DDX19B: variants seen among roughly 807,000 people sequenced by gnomAD.
DDX19B encodes ATP-dependent RNA helicase DDX19B.
DDX19B carries 27 observed loss-of-function variants against 58.1 expected under a neutral mutation model. The ratio of observed to expected loss-of-function variants is 0.46; its 90% CI spans 0.34 to 0.64. DDX19B has a LOEUF of 0.64. Ranked by LOEUF, DDX19B falls within the 30% of genes least tolerant of loss-of-function variation. The pLI, the probability that DDX19B is intolerant of heterozygous loss-of-function variation, is 0.01. For missense variants in DDX19B, 399 were observed against 596.5 expected (o/e 0.67, Z 3.45); for synonymous variants, 187 against 214.4 (o/e 0.87, Z 1.12).
intron 5 of DDX19B, among the ~76,000 whole-genome samples, chr16:70,320,606 G>A (rs377211430): frequency 7.0e-4 from 106 of 151,434 alleles, no homozygotes; most frequent in Admixed American, 7.2e-4. Flanking sequence ...GGAGTGCAGT[G>A]GCGTGATCTT....
intron 1 of DDX19B, among the ~76,000 whole-genome samples, chr16:70,305,731 TTTG>T (rs1315611021): frequency 7.3e-6 from 1 of 137,604 alleles, no homozygotes; most frequent in Non-Finnish European, 1.7e-5. Context: ...TGAGAGGTTT[TTTG>T]TTTTTTTAAT....
intron 5 of DDX19B, among the ~76,000 whole-genome samples, chr16:70,323,730 G>T (rs1427841643): frequency 6.6e-6 from 1 of 151,980 alleles, no homozygotes; most frequent in African/African-American, 2.4e-5. Flanking sequence ...GGCCTTGCCT[G>T]CTTCTTGAGC....
intron 5 of DDX19B, chr16:70,319,576 C>CCTTTTTTTTTTT (rs1555547570): frequency 2.7e-5 from 4 of 145,730 alleles, no homozygotes; most frequent in African/African-American, 1.0e-4. Context: ...TTCTGAATCT[C>CCTTTTTTTTTTT]TTTTTTTTTT....
upstream of DDX19B, among the ~76,000 whole-genome samples, chr16:70,298,575 A>G (rs957574222): frequency 6.6e-6 from 1 of 151,662 alleles, no homozygotes; most frequent in Admixed American, 6.6e-5. Context: ...TGCAGCCTAG[A>G]CCTCCTGGGC....
In DDX19B at chr16:70,334,987, C is replaced by G. The variant is rs1296606062; in HGVS notation, c.*1405C>G. Reference sequence around the variant, plus strand: ...GCTAAGAACGATTGTGATCCTAGGTCTTCTTTGTACGCATCTCCGTATTTA... The same window carrying G: ...GCTAAGAACGATTGTGATCCTAGGTGTTCTTTGTACGCATCTCCGTATTTA... On this transcript the variant is annotated 3_prime_UTR_variant, in exon 12 of 12. Coordinates refer to ENST00000288071, the MANE Select transcript of DDX19B (RefSeq NM_007242.7). 1 of 152,178 alleles carries G rather than the reference C, an allele frequency of 6.6e-6. No homozygotes were observed. Among genetic ancestry groups the G allele is most frequent in the Admixed American group, 6.6e-5 (1 of 15,260 alleles). The allele number at this position is 152,178 out of a possible 1,614,324, so 9.4% of individuals were successfully genotyped here.
chr16:70,306,127 T>TTTGTTG (rs551376201), intron 1 of DDX19B, among the ~76,000 whole-genome samples: 11 of 151,036 alleles, frequency 7.3e-5, no homozygotes, highest in Non-Finnish European at 1.5e-4. Context: ...TTAGGTCAGT[T>TTTGTTG]TTGTTGTTGT....
upstream of DDX19B, chr16:70,295,166 C>T (rs894493560): frequency 8.5e-6 from 8 of 938,268 alleles, no homozygotes; most frequent in Admixed American, 4.2e-5. Context: ...TCTTATTCCC[C>T]GAACACTCTT....
Position 70,317,437 on chromosome 16 carries a change from A to G in DDX19B, c.297-59A>G, listed in dbSNP as rs1334793598. 2.3e-6 allele frequency: 3 copies of G among 1,328,830 alleles called. No homozygotes were observed. In the African/African-American group the frequency reaches 4.5e-5, roughly 20 times the overall value. 82.3% of individuals were successfully genotyped at this position (1,328,830 alleles called of 1,614,324 possible). A position where few individuals can be genotyped will look rare whatever the true frequency, so the allele number is the denominator to read the frequency against. ...AGTAAAAGAGAAAAATCCTCCAGAT[A>G]TTTTGCTGCTTTCCTCAACCAAAGA... is the stretch of plus-strand genomic sequence containing the variant. On this transcript the variant is annotated intron_variant, in intron 4 of 11. Coordinates refer to ENST00000288071, the MANE Select transcript of DDX19B (RefSeq NM_007242.7).
intron 1 of DDX19B, among the ~76,000 whole-genome samples, chr16:70,300,461 GC>G (rs1961435821): frequency 6.6e-6 from 1 of 152,124 alleles, no homozygotes; most frequent in African/African-American, 2.4e-5. Context: ...ACCTGCCTCA[GC>G]CTCCCAAAGT....
At chr16:70,303,126 C>T (rs1961562971) in intron 1 of DDX19B, among the ~76,000 whole-genome samples, 1 of 151,896 alleles carries the variant, frequency 6.6e-6, no homozygotes, top group Non-Finnish European at 1.5e-5. Flanking sequence ...GATAGAAGTT[C>T]TGTTTTTTGT....
rs1334802142 is a variant in DDX19B at position 70,317,539 on chromosome 16, C to A, written c.340C>A (p.Arg114Ser). The part of the protein sequence containing the change: ...LQGVYAMGFN[R>S]PSKIQENALP... ...AGGAGTCTATGCCATGGGTTTCAAT[C>A]GTCCATCCAAGATACAAGAGAACGC... The change falls in exon 5 of 12, where the codon CGT becomes AGT. Residue 114 changes from arginine to serine, a missense_variant. By Grantham distance (110) the Arg-to-Ser change is moderately radical. Around this residue, in one of 4 missense-constraint regions of DDX19B, gnomAD observed 132 missense variants for 159.4 expected, o/e 0.83. Coordinates refer to ENST00000288071, the MANE Select transcript of DDX19B (RefSeq NM_007242.7). 1.9e-6 allele frequency: 3 copies of A among 1,613,396 alleles called. No homozygotes were observed. The Admixed American group carries it at 5.0e-5, about 27-fold the overall frequency.
At chr16:70,309,576 T>C (rs1223699957) in intron 1 of DDX19B, among the ~76,000 whole-genome samples, 1 of 151,280 alleles carries the variant, frequency 6.6e-6, no homozygotes, top group African/African-American at 2.4e-5. Context: ...TCCCAGCACT[T>C]TGGGAGGCCG....
rs1236697793 is a variant in DDX19B, at chr16:70,329,536, G to T, written c.785+67G>T. On this transcript the variant is annotated intron_variant, in intron 8 of 11. Coordinates refer to ENST00000288071, the MANE Select transcript of DDX19B (RefSeq NM_007242.7). ...TGCAGTGTCTTCTCCCTTCACTTCAGATGCCTCCTCTGGCTTCTGCCTGGG... is the reference window on the plus strand; with the variant it reads ...TGCAGTGTCTTCTCCCTTCACTTCATATGCCTCCTCTGGCTTCTGCCTGGG... 3.7e-6 allele frequency: 6 copies of T among 1,601,306 alleles called. No individual in the cohort carries two copies. In the African/African-American group the frequency reaches 6.7e-5, roughly 18 times the overall value.
upstream of DDX19B, among the ~76,000 whole-genome samples, chr16:70,298,182 C>T (rs1002010509): frequency 2.0e-5 from 3 of 152,056 alleles, no homozygotes; most frequent in Admixed American, 6.6e-5. Context: ...CCAAGGCAGG[C>T]GGATCACGAG....
At chr16:70,330,329 G>A (rs571731473) in intron 9 of DDX19B, among the ~76,000 whole-genome samples, 5 of 152,324 alleles carry the variant, frequency 3.3e-5, no homozygotes, top group Admixed American at 2.6e-4. Context: ...GCTCATGCCT[G>A]TAATCCCTGC....
At chr16:70,311,685 G>A (rs1354346721) in intron 1 of DDX19B, among the ~76,000 whole-genome samples, 1 of 152,098 alleles carries the variant, frequency 6.6e-6, no homozygotes, top group Admixed American at 6.6e-5. Flanking sequence ...ATTACACAGT[G>A]TGCCACAATG....
intron 4 of DDX19B, chr16:70,317,273 C>T (rs1039311797): frequency 3.1e-5 from 9 of 295,036 alleles, no homozygotes; most frequent in South Asian, 1.3e-4. Flanking sequence ...CCCAGCTATT[C>T]GCGAGGCTGA....
chr16:70,298,673 T>C (rs1386566963), upstream of DDX19B, among the ~76,000 whole-genome samples: 1 of 151,786 alleles, frequency 6.6e-6, no homozygotes, highest in Non-Finnish European at 1.5e-5. Context: ...TTTTTAACAT[T>C]CTCCTGATTC....
chr16:70,330,205 A>G, intron 9 of DDX19B, 137 bp downstream of exon 9: 2 of 953,580 alleles, frequency 2.1e-6, no homozygotes, highest in South Asian at 3.2e-5. Flanking sequence ...AGTGAGTCGT[A>G]AGAGGGAGAC....
Sources: allele counts gnomAD v4.1 joint callset (sites outside exome capture counted in the v4.1 genomes callset), GRCh38; gene constraint gnomAD v4.1.1; regional missense constraint gnomAD v4.1.1; transcripts MANE v1.5; gene names NCBI Gene and HGNC (gene_info 2026-07-23, HGNC 2026-07-21).